Variants in MCTP1 observed in about 807,000 individuals in gnomAD.
MCTP1 encodes multiple C2 and transmembrane domain containing 1.
In MCTP1, 69 loss-of-function variants were observed where a neutral mutation model predicts 120.6. The ratio of observed to expected loss-of-function variants is 0.57; its 90% CI spans 0.47 to 0.70. The LOEUF is 0.70. Among genes scored for constraint, MCTP1 ranks in the 30% least tolerant of loss-of-function variants. MCTP1 has a pLI of 0.00. For missense variants in MCTP1, 1,203 were observed against 1,248.8 expected (o/e 0.96, Z 0.55); for synonymous variants, 529 against 493.1 (o/e 1.07, Z -0.96).
At chr5:94,909,535 C>T (rs189146101) in intron 9 of MCTP1, among the ~76,000 whole-genome samples, 154 bp from the exon 10 acceptor site, 1 of 152,096 alleles carries the variant, frequency 6.6e-6, no homozygotes, top group African/African-American at 2.4e-5. Context: ...GGAAATAACT[C>T]ATTAGATCTC....
chr5:95,266,887 C>G (rs549368225), intron 1 of MCTP1, among the ~76,000 whole-genome samples: 1 of 152,370 alleles, frequency 6.6e-6, no homozygotes, highest in East Asian at 1.9e-4. Flanking sequence ...TATGTCGCCA[C>G]TTCAATTTTG....
intron 1 of MCTP1, among the ~76,000 whole-genome samples, chr5:95,168,943 G>A (rs1273958460): frequency 1.3e-5 from 2 of 152,098 alleles, no homozygotes; most frequent in Non-Finnish European, 2.9e-5. Context: ...TGTTGAATAG[G>A]AGTGGTGAGA....
At chr5:95,026,625 T>C (rs775458263) in intron 1 of MCTP1, among the ~76,000 whole-genome samples, 10 of 152,150 alleles carry the variant, frequency 6.6e-5, no homozygotes, top group Non-Finnish European at 1.2e-4. Context: ...AGAATCTCAT[T>C]CTTATTATCA....
At chr5:95,216,100 T>C (rs1248422469) in intron 1 of MCTP1, among the ~76,000 whole-genome samples, 1 of 152,232 alleles carries the variant, frequency 6.6e-6, no homozygotes, top group Admixed American at 6.5e-5. Flanking sequence ...AAATTAACTC[T>C]TATCTTTGGC....
chr5:95,003,671 G>C (rs1834141467), intron 2 of MCTP1, among the ~76,000 whole-genome samples: 1 of 152,212 alleles, frequency 6.6e-6, no homozygotes, highest in Non-Finnish European at 1.5e-5. Flanking sequence ...AGACATGCTT[G>C]CTTCCCCTTT....
At chr5:94,823,453 A>G (rs1786157201) in intron 17 of MCTP1, among the ~76,000 whole-genome samples, 1 of 152,148 alleles carries the variant, frequency 6.6e-6, no homozygotes, top group Non-Finnish European at 1.5e-5. Flanking sequence ...GTAGCCTTGT[A>G]GTATAGTTTG....
intron 17 of MCTP1, among the ~76,000 whole-genome samples, chr5:94,828,525 C>T (rs1234454542): frequency 1.3e-5 from 2 of 152,244 alleles, no homozygotes; most frequent in South Asian, 2.1e-4. Flanking sequence ...CAGGCAGGAA[C>T]ATTTTAAGTC....
intron 5 of MCTP1, among the ~76,000 whole-genome samples, chr5:94,936,078 G>C (rs1480380189): frequency 6.6e-6 from 1 of 151,924 alleles, no homozygotes; most frequent in Non-Finnish European, 1.5e-5. Context: ...ATAATTTATT[G>C]TCATCATTCG....
Position 94,884,626 on chromosome 5 carries a change from T to C in MCTP1, c.1933+4253A>G, listed in dbSNP as rs543466499. 6.7e-4 allele frequency among the ~76,000 whole-genome samples: 11 copies of C among 16,476 alleles called. 1 individual carries two copies. The East Asian group carries it at 0.031, about 46-fold the overall frequency. The allele number at this position is 16,476 out of a possible 152,430, so 10.8% of individuals were successfully genotyped here. ...GACACAGCAAGTTGGGGGTGGGGGC[T>C]GGGGGGGCGGGAGCTAGACTGAAGA... is the stretch of plus-strand genomic sequence containing the variant. On this transcript the variant is annotated intron_variant, in intron 12 of 22. Coordinates refer to ENST00000515393, the MANE Select transcript of MCTP1 (RefSeq NM_024717.7).
intron 2 of MCTP1, among the ~76,000 whole-genome samples, chr5:94,986,960 C>A (rs943583219): frequency 1.3e-5 from 2 of 152,134 alleles, no homozygotes; most frequent in South Asian, 2.1e-4. Flanking sequence ...TGCATACAAC[C>A]TACATGCATC....
At chr5:95,070,630 T>C (rs1305465077) in intron 1 of MCTP1, among the ~76,000 whole-genome samples, 1 of 152,298 alleles carries the variant, frequency 6.6e-6, no homozygotes, top group East Asian at 1.9e-4. Context: ...GAAGTTGCCC[T>C]GTACTGCCTT....
chr5:95,212,082 G>C (rs550621945), intron 1 of MCTP1, among the ~76,000 whole-genome samples: 17 of 152,154 alleles, frequency 1.1e-4, no homozygotes, highest in Admixed American at 9.8e-4. Context: ...CCAGGAGTTG[G>C]TTTTTTGAAA....
chr5:94,917,724 A>G (rs1202881253), intron 8 of MCTP1, among the ~76,000 whole-genome samples, 172 bp downstream of exon 8: 1 of 152,256 alleles, frequency 6.6e-6, no homozygotes, highest in East Asian at 1.9e-4. Flanking sequence ...GGCAATGTAA[A>G]GAAAGTGTTA....
chr5:94,845,779 T>G (rs1373146544), intron 17 of MCTP1, among the ~76,000 whole-genome samples: 3 of 152,162 alleles, frequency 2.0e-5, no homozygotes, highest in African/African-American at 7.2e-5. Flanking sequence ...CTCAAACTCC[T>G]GGGGCCAGGT....
chr5:95,156,407 C>A (rs1745135813), intron 1 of MCTP1, among the ~76,000 whole-genome samples: 1 of 152,154 alleles, frequency 6.6e-6, no homozygotes, highest in Non-Finnish European at 1.5e-5. Context: ...AATACCCAAA[C>A]CATTTTGGAA....
intron 1 of MCTP1, among the ~76,000 whole-genome samples, chr5:95,155,826 G>A (rs1057275260): frequency 5.3e-5 from 8 of 152,134 alleles, no homozygotes; most frequent in African/African-American, 1.7e-4. Context: ...ATGTGATTAC[G>A]ATAGGAGAGT....
intron 10 of MCTP1, among the ~76,000 whole-genome samples, chr5:94,904,747 T>A (rs1240136602): frequency 4.6e-5 from 7 of 152,242 alleles, no homozygotes. Flanking sequence ...TGGTGTCAGA[T>A]CAGCATTTGT....
At chr5:94,987,048 T>C (rs1830542978) in intron 2 of MCTP1, among the ~76,000 whole-genome samples, 1 of 152,172 alleles carries the variant, frequency 6.6e-6, no homozygotes, top group South Asian at 2.1e-4. Flanking sequence ...ATTTGTTACA[T>C]TGTGTTTTTT....
chr5:95,056,871 A>T lies in MCTP1; in HGVS notation c.721-39387T>A, dbSNP rs561502932. On this transcript the variant is annotated intron_variant, in intron 1 of 22. Transcript: ENST00000515393. ...TGAACTCCTTCATCCCAATACACACACACACACAAACACACGCAAATACAT... is the reference window on the plus strand; with the variant it reads ...TGAACTCCTTCATCCCAATACACACTCACACACAAACACACGCAAATACAT... 5.3e-5 allele frequency among the ~76,000 whole-genome samples: 8 copies of T among 152,284 alleles called. No homozygotes were observed. The East Asian group carries it at 1.5e-3, about 29-fold the overall frequency.
Sources: allele counts gnomAD v4.1 joint callset (sites outside exome capture counted in the v4.1 genomes callset), GRCh38; gene constraint gnomAD v4.1.1; transcripts MANE v1.5; gene names NCBI Gene and HGNC (gene_info 2026-07-23, HGNC 2026-07-21).